Variants in SMIM14 observed in about 807,000 individuals in gnomAD.
SMIM14 encodes small integral membrane protein 14, also known as chromosome 4 open reading frame 34.
A neutral mutation model predicts 12.6 loss-of-function variants in SMIM14; 5 were observed. That is an observed-to-expected ratio of 0.40 (90% CI 0.21 to 0.83). The LOEUF (loss-of-function observed/expected upper bound fraction) is 0.83, where lower values mean the gene tolerates loss of function less well. Among genes scored for constraint, SMIM14 ranks in the 40% least tolerant of loss-of-function variants. SMIM14 has a pLI of 0.37. For missense variants in SMIM14, 86 were observed against 119.1 expected, an observed-to-expected ratio of 0.72 and a Z score of 1.29; for synonymous variants, 30 against 40.1, an observed-to-expected ratio of 0.75 and a Z score of 0.95.
chr4:39,623,207 G>A (rs1260116339), intron 1 of SMIM14, among the ~76,000 whole-genome samples: 3 of 152,166 alleles, frequency 2.0e-5, no homozygotes, highest in South Asian at 2.1e-4. Context: ...GCCAAGGGGG[G>A]AGAGGTATGG....
intron 2 of SMIM14, among the ~76,000 whole-genome samples, chr4:39,573,559 A>T (rs187306015): frequency 9.1e-4 from 139 of 152,324 alleles, no homozygotes; most frequent in African/African-American, 2.4e-3. Flanking sequence ...AAATAATTTT[A>T]AAAAAATCAC....
intron 1 of SMIM14, among the ~76,000 whole-genome samples, chr4:39,623,340 A>T (rs1715574565): frequency 6.6e-6 from 1 of 151,458 alleles, no homozygotes; most frequent in African/African-American, 2.5e-5. Flanking sequence ...AAGGTTTTTT[A>T]AAAATACATT....
rs568674671 is a variant in SMIM14 at position 39,602,509 on chromosome 4, C to T, written c.75+2562G>A. 5.3e-5 allele frequency among the ~76,000 whole-genome samples: 8 copies of T among 152,204 alleles called. No homozygotes were observed. In the East Asian group the frequency reaches 1.5e-3, roughly 29 times the overall value. On this transcript the variant is annotated intron_variant, in intron 2 of 4. Coordinates refer to ENST00000295958, the MANE Select transcript of SMIM14 (RefSeq NM_174921.3). Reference sequence around the variant, plus strand: ...GCTTGGGAGGCTGAGGCATGAGAATCGTTTGAATCCAGGAGGCAGACGTTG... The same window carrying T: ...GCTTGGGAGGCTGAGGCATGAGAATTGTTTGAATCCAGGAGGCAGACGTTG...
At chr4:39,601,262 G>C (rs1411547001) in intron 2 of SMIM14, among the ~76,000 whole-genome samples, 2 of 151,974 alleles carry the variant, frequency 1.3e-5, no homozygotes, top group Non-Finnish European at 1.5e-5. Flanking sequence ...GTTTCTCCAG[G>C]TGTCTACTTG....
chr4:39,602,706 T>C (rs925152067), intron 2 of SMIM14, among the ~76,000 whole-genome samples: 8 of 152,190 alleles, frequency 5.3e-5, no homozygotes, highest in African/African-American at 1.4e-4. Context: ...ACCATTATAT[T>C]TCTATACCCT....
chr4:39,613,403 T>C (rs2110066225), intron 1 of SMIM14, among the ~76,000 whole-genome samples: 1 of 152,378 alleles, frequency 6.6e-6, no homozygotes, highest in South Asian at 2.1e-4. Context: ...ACACTTGAGC[T>C]GTTTTAAGTA....
intron 2 of SMIM14, among the ~76,000 whole-genome samples, chr4:39,595,167 A>G (rs1333308788): frequency 1.4e-5 from 2 of 147,378 alleles, no homozygotes; most frequent in Non-Finnish European, 3.0e-5. Context: ...ATGTCCAACG[A>G]TGATAGACTG....
chr4:39,579,748 G>T (rs1298397704), intron 2 of SMIM14, among the ~76,000 whole-genome samples: 1 of 150,892 alleles, frequency 6.6e-6, no homozygotes, highest in Non-Finnish European at 1.5e-5. Flanking sequence ...GGAGGCTGAG[G>T]CAGGAGAATC....
chr4:39,591,797 C>T (rs569147275), intron 2 of SMIM14, among the ~76,000 whole-genome samples: 1 of 152,220 alleles, frequency 6.6e-6, no homozygotes, highest in South Asian at 2.1e-4. Context: ...AACTCCTGGC[C>T]TCAAATGATC....
At chr4:39,603,400 A>G (rs1292801089) in intron 2 of SMIM14, among the ~76,000 whole-genome samples, 1 of 151,996 alleles carries the variant, frequency 6.6e-6, no homozygotes, top group Admixed American at 6.6e-5. Context: ...CTACTAAAAA[A>G]TACAAAAAAT....
At chr4:39,577,369 C>T (rs1032492521) in intron 2 of SMIM14, among the ~76,000 whole-genome samples, 1 of 151,660 alleles carries the variant, frequency 6.6e-6, no homozygotes, top group South Asian at 2.1e-4. Flanking sequence ...CAAATTATGC[C>T]TTTCAGTAGA....
At position 39,572,447 on chromosome 4, in the gene SMIM14, G is replaced by T; in HGVS notation, c.92C>A (p.Ser31Tyr). 1 of 1,611,052 alleles carries T rather than the reference G, an allele frequency of 6.2e-7. No homozygotes were observed. Among genetic ancestry groups the T allele is most frequent in the Non-Finnish European group, 8.5e-7 (1 of 1,178,252 alleles). The part of the protein sequence containing the change: ...RLINLLRQSQ[S>Y]YCTDTECLQE... ...AAGACACTCTGTGTCTGTGCAGTAG[G>T]ACTGGGACTGCCGTAACTACAATGA... Residue 31 changes from serine to tyrosine, a missense_variant, in exon 3 of 5, where the codon TCC becomes TAC. Transcript: ENST00000295958.
At chr4:39,581,953 C>T (rs1321148429) in intron 2 of SMIM14, among the ~76,000 whole-genome samples, 1 of 151,448 alleles carries the variant, frequency 6.6e-6, no homozygotes, top group Non-Finnish European at 1.5e-5. Context: ...CTCACTGCAA[C>T]CTCCGCCTCC....
chr4:39,591,766 A>C (rs1199633663), intron 2 of SMIM14, among the ~76,000 whole-genome samples: 1 of 152,000 alleles, frequency 6.6e-6, no homozygotes, highest in Non-Finnish European at 1.5e-5. Context: ...GGGTTTCACC[A>C]TGTTGGCCAG....
chr4:39,598,629 T>C lies in SMIM14; in HGVS notation c.75+6442A>G, dbSNP rs539945997. Among the ~76,000 whole-genome samples the C allele has an allele frequency of 7.9e-4, 121 of 152,310 alleles. 1 individual carries two copies. In the South Asian group the frequency reaches 0.024, roughly 30 times the overall value. Reference sequence around the variant, plus strand: ...GTTATCAATTATAACTACATAAACGTTCACAGTTGAGCCACACAGTAAACT... The same window carrying C: ...GTTATCAATTATAACTACATAAACGCTCACAGTTGAGCCACACAGTAAACT... On this transcript the variant is annotated intron_variant, in intron 2 of 4. Coordinates refer to ENST00000295958, the MANE Select transcript of SMIM14 (RefSeq NM_174921.3).
At chr4:39,635,143 A>G (rs187761255) in intron 1 of SMIM14, among the ~76,000 whole-genome samples, 292 of 152,356 alleles carry the variant, frequency 1.9e-3, no homozygotes, top group African/African-American at 6.6e-3. Flanking sequence ...ATCTGGGAGA[A>G]GAGTACTGAA....
intron 2 of SMIM14, among the ~76,000 whole-genome samples, chr4:39,591,999 C>G (rs1038922645): frequency 6.6e-6 from 1 of 151,736 alleles, no homozygotes; most frequent in African/African-American, 2.4e-5. Context: ...GTGAGACCAG[C>G]GTAGGCAACA....
intron 2 of SMIM14, among the ~76,000 whole-genome samples, chr4:39,587,581 G>A (rs1003158596): frequency 2.7e-5 from 4 of 150,190 alleles, no homozygotes; most frequent in Admixed American, 2.7e-4. Context: ...AGCCAAACAT[G>A]CTCTTCTAGA....
At chr4:39,614,701 G>C (rs1413801114) in intron 1 of SMIM14, among the ~76,000 whole-genome samples, 1 of 152,078 alleles carries the variant, frequency 6.6e-6, no homozygotes, top group African/African-American at 2.4e-5. Context: ...CCATTTTTGT[G>C]ATAGCAATCT....
Sources: allele counts gnomAD v4.1 joint callset (sites outside exome capture counted in the v4.1 genomes callset), GRCh38; gene constraint gnomAD v4.1.1; transcripts MANE v1.5; gene names NCBI Gene and HGNC (gene_info 2026-07-23, HGNC 2026-07-21).